Variants in OPCML observed in about 807,000 individuals in gnomAD.
OPCML encodes the protein opioid binding protein/cell adhesion molecule like, also known as opioid-binding protein/cell adhesion molecule.
A neutral mutation model predicts 37.8 loss-of-function variants in OPCML; 13 were observed. The observed-to-expected ratio is 0.34, with a 90% CI of 0.22 to 0.55. The LOEUF (loss-of-function observed/expected upper bound fraction) is 0.55. Among genes scored for constraint, OPCML ranks in the 20% least tolerant of loss-of-function variants. OPCML has a pLI of 0.91. For synonymous variants in OPCML, 176 were observed against 168.8 expected (o/e 1.04, Z -0.33); for missense variants, 341 against 435.6 (o/e 0.78, Z 1.93).
At chr11:132,607,873 A>G (rs944565856) in intron 3 of OPCML, among the ~76,000 whole-genome samples, 3 of 152,158 alleles carry the variant, frequency 2.0e-5, no homozygotes, top group Non-Finnish European at 4.4e-5. Context: ...GGAGTGGGGA[A>G]GAAAGGGAGG....
rs571255125 is a variant in OPCML, at chr11:132,943,547, A to T, written c.62-537T>A. ...CTCTGACATACAGGAGCTGTCATAAAAAGCTGCGGCTTCAAGGAGAGGAGG... is the reference window on the plus strand; with the variant it reads ...CTCTGACATACAGGAGCTGTCATAATAAGCTGCGGCTTCAAGGAGAGGAGG... On this transcript the variant is annotated intron_variant, in intron 1 of 7. Coordinates refer to ENST00000524381, the MANE Select transcript of OPCML (RefSeq NM_001012393.5). The surrounding 1 kb of genome is among the most constrained non-coding windows in gnomAD (Gnocchi z 4.3). 1.5e-3 allele frequency: 278 copies of T among 184,252 alleles called. 4 individuals are homozygous for T. Among genetic ancestry groups the T allele is most frequent in the South Asian group, 7.4e-3 (60 of 8,080 alleles). The allele number at this position is 184,252 out of a possible 1,614,324, so 11.4% of individuals were successfully genotyped here.
intron 1 of OPCML, among the ~76,000 whole-genome samples, chr11:133,193,597 T>A (rs1433308220): frequency 6.6e-6 from 1 of 152,200 alleles, no homozygotes; most frequent in East Asian, 1.9e-4. Flanking sequence ...TCTTTCATGA[T>A]AAACACCTGC....
chr11:133,183,124 C>G (rs1198952668), intron 1 of OPCML, among the ~76,000 whole-genome samples: 1 of 152,138 alleles, frequency 6.6e-6, no homozygotes, highest in East Asian at 1.9e-4. Context: ...ACTATAAATA[C>G]CTACAGAAAA....
chr11:133,461,182 C>T (rs1437917911), intron 1 of OPCML, among the ~76,000 whole-genome samples: 1 of 151,866 alleles, frequency 6.6e-6, no homozygotes, highest in Non-Finnish European at 1.5e-5. Flanking sequence ...AGGATTCCTA[C>T]TTTCACCACT....
chr11:132,588,482 C>G (rs376072630), intron 3 of OPCML, among the ~76,000 whole-genome samples: 8 of 152,094 alleles, frequency 5.3e-5, no homozygotes, highest in Non-Finnish European at 1.2e-4. Context: ...TCCCTCTAAC[C>G]TAGGAAACAA....
chr11:132,607,060 T>C (rs901115475), intron 3 of OPCML, among the ~76,000 whole-genome samples: 4 of 152,208 alleles, frequency 2.6e-5, no homozygotes, highest in African/African-American at 9.6e-5. Context: ...TTTTCAATCA[T>C]ATCACTAATT....
intron 1 of OPCML, among the ~76,000 whole-genome samples, chr11:133,388,112 G>A (rs1354811236): frequency 4.6e-5 from 7 of 152,234 alleles, no homozygotes; most frequent in South Asian, 4.2e-4. Context: ...TTAGAGGGCC[G>A]CTGCCAGACT....
chr11:132,867,813 C>T (rs150753839), intron 2 of OPCML, among the ~76,000 whole-genome samples: 2 of 152,210 alleles, frequency 1.3e-5, no homozygotes, highest in African/African-American at 4.8e-5. Context: ...TTGATTTAAT[C>T]GTGTTAGCAA....
At chr11:133,078,936 A>G (rs1948667230) in intron 1 of OPCML, among the ~76,000 whole-genome samples, 1 of 152,088 alleles carries the variant, frequency 6.6e-6, no homozygotes, top group Non-Finnish European at 1.5e-5. Flanking sequence ...TAAACGACAG[A>G]TTTTAGAGAC....
At chr11:132,558,489 TCCTCCC>T (rs2096403289) in intron 3 of OPCML, among the ~76,000 whole-genome samples, 2 of 73,558 alleles carry the variant, frequency 2.7e-5, no homozygotes, top group South Asian at 1.6e-3. Context: ...CCACTCCTCC[TCCTCCC>T]CTCCTCCCCC....
At chr11:132,905,225 CTT>C (rs373679886) in intron 2 of OPCML, among the ~76,000 whole-genome samples, 3 of 88,370 alleles carry the variant, frequency 3.4e-5, no homozygotes, top group Admixed American at 1.4e-4. Flanking sequence ...GAAAGCAGTT[CTT>C]TTTTTTTTTT....
intron 1 of OPCML, among the ~76,000 whole-genome samples, chr11:133,510,195 G>T (rs1241268710): frequency 6.6e-6 from 1 of 152,208 alleles, no homozygotes; most frequent in East Asian, 1.9e-4. Flanking sequence ...CCACCCAGGA[G>T]GCCCCTTGAT....
intron 1 of OPCML, among the ~76,000 whole-genome samples, chr11:133,064,266 C>T (rs556719587): frequency 4.6e-5 from 7 of 152,218 alleles, no homozygotes; most frequent in South Asian, 4.1e-4. Flanking sequence ...ACTGATGCCG[C>T]CGGCACAGCT....
chr11:133,327,564 A>G (rs535589622), intron 1 of OPCML, among the ~76,000 whole-genome samples: 90 of 152,230 alleles, frequency 5.9e-4, no homozygotes, highest in African/African-American at 2.1e-3. Context: ...CCTTAAGGCT[A>G]TCTGCCCATC....
At chr11:132,510,350 A>T (rs988140122) in intron 4 of OPCML, among the ~76,000 whole-genome samples, 1 of 152,092 alleles carries the variant, frequency 6.6e-6, no homozygotes, top group Non-Finnish European at 1.5e-5. Context: ...TGTTGAAATG[A>T]GTTAAGACTT....
intron 1 of OPCML, among the ~76,000 whole-genome samples, chr11:133,079,278 G>C (rs1273496540): frequency 2.0e-5 from 3 of 152,182 alleles, no homozygotes; most frequent in African/African-American, 4.8e-5. Flanking sequence ...GGAGCACACA[G>C]CCTCACAGCA....
chr11:133,450,004 T>A (rs1946549798), intron 1 of OPCML, among the ~76,000 whole-genome samples: 2 of 151,698 alleles, frequency 1.3e-5, no homozygotes, highest in Admixed American at 6.6e-5. Context: ...TGTCTTCTTA[T>A]TTGATGAAAA....
chr11:133,442,752 T>TGTGC (rs1223376734), intron 1 of OPCML, among the ~76,000 whole-genome samples: 1 of 151,884 alleles, frequency 6.6e-6, no homozygotes, highest in Non-Finnish European at 1.5e-5. Context: ...TGTGTGTGTG[T>TGTGC]GTGTGTGTGT....
chr11:133,005,658 G>C, intron 1 of OPCML: 1 of 980,936 alleles, frequency 1.0e-6, no homozygotes, highest in Non-Finnish European at 1.2e-6. Context: ...AAAAAAAACT[G>C]TTATGCATGG....
Sources: gnomAD v4.1 joint callset for allele counts (sites outside exome capture counted in the v4.1 genomes callset) on GRCh38, gnomAD v4.1.1 for gene constraint, Gnocchi (gnomAD v3.1) non-coding constraint, MANE v1.5 for transcripts, NCBI Gene and HGNC (gene_info 2026-07-23, HGNC 2026-07-21) for gene names.